ANKS1B: variants seen among roughly 807,000 people sequenced by gnomAD.
ANKS1B encodes the protein ankyrin repeat and sterile alpha motif domain-containing protein 1B.
In ANKS1B, 36 loss-of-function variants were observed where a neutral mutation model predicts 148.3. The ratio of observed to expected loss-of-function variants is 0.24; its 90% CI spans 0.19 to 0.32. The LOEUF is 0.32. Among genes scored for constraint, ANKS1B ranks in the 10% least tolerant of loss-of-function variants. The pLI, the probability that ANKS1B is intolerant of heterozygous loss-of-function variation, is 1.00. For missense variants in ANKS1B, 1,157 were observed against 1,542.6 expected (o/e 0.75, Z 4.19); for synonymous variants, 542 against 560.8 (o/e 0.97, Z 0.47).
intron 18 of ANKS1B, chr12:98,830,861 C>T (rs1342680050): frequency 6.6e-6 from 1 of 151,772 alleles, no homozygotes; most frequent in Non-Finnish European, 1.5e-5. Context: ...TCCTCTCTGC[C>T]CTTTCCTCCC....
At chr12:99,201,921 CTTCA>C (rs150033450) in intron 14 of ANKS1B, among the ~76,000 whole-genome samples, 17 of 151,114 alleles carry the variant, frequency 1.1e-4, no homozygotes, top group African/African-American at 1.9e-4. Flanking sequence ...TAATATTTGA[CTTCA>C]TTCATTCATT....
chr12:99,867,314 A>G (rs1322167946), intron 1 of ANKS1B, among the ~76,000 whole-genome samples: 29 of 152,080 alleles, frequency 1.9e-4, no homozygotes, highest in Non-Finnish European at 1.5e-4. Flanking sequence ...CTATAAGACA[A>G]CTTTTTGTAC....
At chr12:99,323,600 T>C (rs929890455) in intron 12 of ANKS1B, among the ~76,000 whole-genome samples, 1 of 152,238 alleles carries the variant, frequency 6.6e-6, no homozygotes, top group African/African-American at 2.4e-5. Flanking sequence ...TAACCTTTAA[T>C]GACTATCACT....
intron 1 of ANKS1B, among the ~76,000 whole-genome samples, chr12:99,958,437 C>A (rs1438861424): frequency 6.6e-6 from 1 of 152,138 alleles, no homozygotes; most frequent in African/African-American, 2.4e-5. Context: ...GGCTGGAGTG[C>A]AGTGGCACGA....
intron 8 of ANKS1B, among the ~76,000 whole-genome samples, chr12:99,719,917 C>A (rs1408804329): frequency 2.0e-5 from 3 of 152,158 alleles, no homozygotes; most frequent in Non-Finnish European, 4.4e-5. Flanking sequence ...TTTTCTCCTT[C>A]TCATCTGGCC....
intron 15 of ANKS1B, among the ~76,000 whole-genome samples, chr12:99,142,700 A>C (rs2071377584): frequency 6.6e-6 from 1 of 152,174 alleles, no homozygotes; most frequent in African/African-American, 2.4e-5. Flanking sequence ...TATTACAATT[A>C]ATTACCAGGA....
At chr12:99,156,663 C>T (rs886983572) in intron 14 of ANKS1B, among the ~76,000 whole-genome samples, 1 of 152,154 alleles carries the variant, frequency 6.6e-6, no homozygotes, top group Non-Finnish European at 1.5e-5. Flanking sequence ...GAATCAGTTG[C>T]TATTTCCATT....
At chr12:99,835,756 G>T (rs957103268) in intron 1 of ANKS1B, among the ~76,000 whole-genome samples, 4 of 151,882 alleles carry the variant, frequency 2.6e-5, no homozygotes, top group Non-Finnish European at 5.9e-5. Flanking sequence ...ATTCCAAGGG[G>T]AAAAAAGAAA....
chr12:99,778,922 C>T (rs892184593), intron 6 of ANKS1B, among the ~76,000 whole-genome samples: 1 of 152,136 alleles, frequency 6.6e-6, no homozygotes, highest in Non-Finnish European at 1.5e-5. Context: ...TTCAGCTTCC[C>T]AACTGACACC....
intron 17 of ANKS1B, among the ~76,000 whole-genome samples, chr12:98,966,407 C>T (rs1473391846): frequency 6.6e-6 from 1 of 152,044 alleles, no homozygotes; most frequent in African/African-American, 2.4e-5. Flanking sequence ...CAACAGGTGC[C>T]GGAGAGGCTG....
chr12:99,891,042 C>T (rs983724766), intron 1 of ANKS1B, among the ~76,000 whole-genome samples: 7 of 152,338 alleles, frequency 4.6e-5, no homozygotes, highest in Admixed American at 1.3e-4. Flanking sequence ...TCACACAACA[C>T]GTAGTCTTGC....
At chr12:99,484,055 CTT>C (rs561228839) in intron 10 of ANKS1B, among the ~76,000 whole-genome samples, 291 of 151,432 alleles carry the variant, frequency 1.9e-3, no homozygotes, top group African/African-American at 6.4e-3. Flanking sequence ...TTAGTTTGTT[CTT>C]GTTTCTCTAG....
At chr12:98,987,719 C>T (rs931881894) in intron 17 of ANKS1B, among the ~76,000 whole-genome samples, 5 of 152,032 alleles carry the variant, frequency 3.3e-5, no homozygotes, top group African/African-American at 1.2e-4. Flanking sequence ...ACTATTAGCT[C>T]TAACAAGAGC....
intron 17 of ANKS1B, among the ~76,000 whole-genome samples, chr12:98,846,019 T>C (rs12317572): frequency 2.3e-5 from 2 of 86,432 alleles, no homozygotes; most frequent in Admixed American, 2.5e-4. Flanking sequence ...TATGTACACA[T>C]ACACACATAT....
At chr12:99,735,732 GA>G (rs2059552095) in intron 8 of ANKS1B, among the ~76,000 whole-genome samples, 1 of 148,968 alleles carries the variant, frequency 6.7e-6, no homozygotes, top group African/African-American at 2.5e-5. Context: ...AAAAAATAAA[GA>G]GGAGGGAGTT....
intron 12 of ANKS1B, among the ~76,000 whole-genome samples, chr12:99,303,501 G>C (rs2081951787): frequency 6.6e-6 from 1 of 151,792 alleles, no homozygotes; most frequent in African/African-American, 2.4e-5. Flanking sequence ...AATCAGAAAA[G>C]GTGCCTGTAC....
At chr12:99,070,474 G>T (rs1319630788) in intron 16 of ANKS1B, among the ~76,000 whole-genome samples, 1 of 152,168 alleles carries the variant, frequency 6.6e-6, no homozygotes, top group Non-Finnish European at 1.5e-5. Flanking sequence ...AGGACAAAGT[G>T]ATGAATGAAA....
intron 16 of ANKS1B, among the ~76,000 whole-genome samples, chr12:99,060,756 C>G (rs548274358): frequency 6.7e-6 from 1 of 149,208 alleles, no homozygotes; most frequent in African/African-American, 2.5e-5. Context: ...TTGCCTGAAG[C>G]CAGCATTTTC....
intron 10 of ANKS1B, among the ~76,000 whole-genome samples, chr12:99,499,024 C>A (rs1006377993): frequency 1.3e-5 from 2 of 152,096 alleles, no homozygotes; most frequent in Non-Finnish European, 2.9e-5. Context: ...ATGGAATCAA[C>A]AGAGGAAAAA....
Sources: allele counts gnomAD v4.1 joint callset (sites outside exome capture counted in the v4.1 genomes callset), GRCh38; gene constraint gnomAD v4.1.1; transcripts MANE v1.5; gene names NCBI Gene and HGNC (gene_info 2026-07-23, HGNC 2026-07-21).